Variants in ANKS1B observed in about 807,000 individuals in gnomAD.
The protein encoded by ANKS1B is ankyrin repeat and sterile alpha motif domain containing 1B, also known as ankyrin repeat and sterile alpha motif domain-containing protein 1B.
In ANKS1B, 36 loss-of-function variants were observed where a neutral mutation model predicts 148.3. That is an observed-to-expected ratio of 0.24 (90% CI 0.19 to 0.32). The LOEUF (loss-of-function observed/expected upper bound fraction) is 0.32, where lower values mean the gene tolerates loss of function less well. ANKS1B is among the 10% of genes least tolerant of loss of function. The pLI is 1.00. For synonymous variants in ANKS1B, 542 were observed against 560.8 expected (o/e 0.97, Z 0.47); for missense variants, 1,157 against 1,542.6 (o/e 0.75, Z 4.19).
chr12:99,369,627 C>T (rs540977602), intron 12 of ANKS1B, among the ~76,000 whole-genome samples: 3 of 115,364 alleles, frequency 2.6e-5, no homozygotes, highest in African/African-American at 1.5e-4. Context: ...TAAGAGAATG[C>T]TCTTTTCTAT....
intron 17 of ANKS1B, among the ~76,000 whole-genome samples, chr12:98,844,248 C>T (rs1423896224): frequency 1.3e-5 from 2 of 152,156 alleles, no homozygotes; most frequent in East Asian, 1.9e-4. Context: ...AAACAGTATT[C>T]GCCTCTTAGT....
chr12:99,688,726 AACT>A (rs1451854058), intron 8 of ANKS1B, among the ~76,000 whole-genome samples: 4 of 152,084 alleles, frequency 2.6e-5, no homozygotes, highest in Admixed American at 2.6e-4. Context: ...AACTACTTAG[AACT>A]ACTTAGAAGG....
rs574846090 is a variant in ANKS1B, at chr12:99,304,105, CTTCT to C, written c.1757-57245_1757-57242del. ...TGCAAGTGTCCTTTTCATATAATGACTTCTTTTTCACTAGATAGATACCCAGTAG... is the reference window on the plus strand; with the variant it reads ...TGCAAGTGTCCTTTTCATATAATGACTTTTCACTAGATAGATACCCAGTAG... On this transcript the variant is annotated intron_variant, in intron 12 of 26. Coordinates refer to ENST00000683438, the MANE Select transcript of ANKS1B (RefSeq NM_001352186.2). Among the ~76,000 whole-genome samples the C allele has an allele frequency of 1.9e-3, 287 of 152,112 alleles. 1 individual carries two copies. Among genetic ancestry groups the C allele is most frequent in the African/African-American group, 6.1e-3 (254 of 41,518 alleles).
intron 17 of ANKS1B, among the ~76,000 whole-genome samples, chr12:98,864,569 T>C (rs926988286): frequency 6.6e-6 from 1 of 152,198 alleles, no homozygotes; most frequent in Admixed American, 6.5e-5. Flanking sequence ...AACAAAGGAC[T>C]GACCTCCCGC....
At chr12:99,554,971 T>C (rs969721688) in intron 9 of ANKS1B, among the ~76,000 whole-genome samples, 1 of 152,166 alleles carries the variant, frequency 6.6e-6, no homozygotes, top group Admixed American at 6.6e-5. Flanking sequence ...GTTCCTGTGT[T>C]AGTTTGCTTA....
At chr12:98,842,178 C>T (rs549105455) in intron 17 of ANKS1B, among the ~76,000 whole-genome samples, 14 of 152,198 alleles carry the variant, frequency 9.2e-5, no homozygotes, top group African/African-American at 2.2e-4. Context: ...TCCAAATGTC[C>T]GATCAACTGG....
At chr12:99,121,318 G>GGTGTGTGT (rs1555269938) in intron 15 of ANKS1B, among the ~76,000 whole-genome samples, 7 of 105,924 alleles carry the variant, frequency 6.6e-5, no homozygotes, top group Non-Finnish European at 1.3e-4. Flanking sequence ...TGTGTATGTA[G>GGTGTGTGT]GTATGTGTGT....
At chr12:99,335,793 G>A (rs981334674) in intron 12 of ANKS1B, among the ~76,000 whole-genome samples, 3 of 151,980 alleles carry the variant, frequency 2.0e-5, no homozygotes, top group African/African-American at 7.3e-5. Flanking sequence ...CCAAACTTTC[G>A]CTATTGTGAA....
chr12:99,297,259 A>C (rs1370990959), intron 12 of ANKS1B, among the ~76,000 whole-genome samples: 1 of 152,158 alleles, frequency 6.6e-6, no homozygotes, highest in East Asian at 1.9e-4. Context: ...AACATACTTC[A>C]TTTTTGTCCT....
chr12:99,190,286 A>G (rs1350665310), intron 14 of ANKS1B, among the ~76,000 whole-genome samples: 1 of 152,214 alleles, frequency 6.6e-6, no homozygotes, highest in Non-Finnish European at 1.5e-5. Flanking sequence ...TATAGATACA[A>G]TGCTATCCCC....
intron 4 of ANKS1B, among the ~76,000 whole-genome samples, chr12:99,783,291 C>T (rs553681741): frequency 6.6e-6 from 1 of 152,054 alleles, no homozygotes; most frequent in South Asian, 2.1e-4. Context: ...TTTAAATATG[C>T]TCAGAACACT....
intron 17 of ANKS1B, among the ~76,000 whole-genome samples, chr12:98,867,916 G>T (rs1417911471): frequency 6.6e-6 from 1 of 151,570 alleles, no homozygotes; most frequent in Admixed American, 6.6e-5. Context: ...ACTTCGTAAA[G>T]CTTCTGCCGT....
intron 12 of ANKS1B, among the ~76,000 whole-genome samples, chr12:99,278,579 T>A (rs899605212): frequency 6.6e-6 from 1 of 152,122 alleles, no homozygotes; most frequent in African/African-American, 2.4e-5. Flanking sequence ...TTCTTACACA[T>A]CCTTCAAGAC....
intron 12 of ANKS1B, among the ~76,000 whole-genome samples, chr12:99,345,604 T>A (rs1278570291): frequency 6.6e-6 from 1 of 151,940 alleles, no homozygotes; most frequent in African/African-American, 2.4e-5. Context: ...AGGAGGAAAC[T>A]GACCTTTAAA....
chr12:99,457,132 G>C (rs2095859840), intron 10 of ANKS1B, among the ~76,000 whole-genome samples: 1 of 151,994 alleles, frequency 6.6e-6, no homozygotes, highest in South Asian at 2.1e-4. Flanking sequence ...ACAATTATCA[G>C]CCAAGAATTT....
chr12:98,763,817 C>T (rs144507858), intron 25 of ANKS1B, among the ~76,000 whole-genome samples: 170 of 152,318 alleles, frequency 1.1e-3, no homozygotes, highest in African/African-American at 3.7e-3. Context: ...TGCCATTACA[C>T]GTTCTTCAAA....
chr12:99,699,429 A>G (rs1444775379), intron 8 of ANKS1B, among the ~76,000 whole-genome samples: 1 of 152,158 alleles, frequency 6.6e-6, no homozygotes, highest in Non-Finnish European at 1.5e-5. Context: ...CCTGGAGAGT[A>G]AAAATATATG....
At chr12:99,013,882 G>A (rs1338819987) in intron 17 of ANKS1B, among the ~76,000 whole-genome samples, 1 of 151,938 alleles carries the variant, frequency 6.6e-6, no homozygotes, top group Non-Finnish European at 1.5e-5. Context: ...ACAAACAAAG[G>A]GAAAAACAAT....
intron 12 of ANKS1B, among the ~76,000 whole-genome samples, chr12:99,271,662 CTATATATATATATATA>C (rs59207203): frequency 7.4e-5 from 7 of 94,222 alleles, no homozygotes; most frequent in East Asian, 2.7e-4. Flanking sequence ...AGTCAATAAA[CTATATATATATATATA>C]TATATATATA....
Sources: allele counts gnomAD v4.1 joint callset (sites outside exome capture counted in the v4.1 genomes callset), GRCh38; gene constraint gnomAD v4.1.1; transcripts MANE v1.5; gene names NCBI Gene and HGNC (gene_info 2026-07-23, HGNC 2026-07-21).